ABCA1: variants seen among roughly 807,000 people sequenced by gnomAD.
ABCA1 encodes ATP binding cassette subfamily A member 1.
ABCA1 carries 133 observed loss-of-function variants against 262.5 expected under a neutral mutation model. That is an observed-to-expected ratio of 0.51 (90% CI 0.44 to 0.59). ABCA1 has a LOEUF of 0.59. Ranked by LOEUF, ABCA1 falls within the 20% of genes least tolerant of loss-of-function variation. The pLI is 0.00. For synonymous variants in ABCA1, 1,022 were observed against 1,043.5 expected, an observed-to-expected ratio of 0.98 and a Z score of 0.40; for missense variants, 2,452 against 2,777.5, an observed-to-expected ratio of 0.88 and a Z score of 2.63.
chr9:104,887,476 C>T (rs113347796), intron 3 of ABCA1, among the ~76,000 whole-genome samples: 5 of 152,024 alleles, frequency 3.3e-5, no homozygotes, highest in South Asian at 2.1e-4. Context: ...TGTCTGATGC[C>T]GAAGACATTT....
chr9:104,807,843 T>TACAC lies in ABCA1; in HGVS notation c.4275-1414_4275-1413insGTGT, dbSNP rs1180467652. ...AAAATAAATAAATAAAATATATATA[T>TACAC]ATACACACACACACACACACACACA... is the stretch of plus-strand genomic sequence containing the variant. On this transcript the variant is annotated intron_variant, in intron 30 of 49. Coordinates refer to ENST00000374736, the MANE Select transcript of ABCA1 (RefSeq NM_005502.4). Among the ~76,000 whole-genome samples, 113 of 36,604 alleles carry TACAC rather than the reference T, an allele frequency of 3.1e-3. 1 individual carries two copies. Among genetic ancestry groups the TACAC allele is most frequent in the African/African-American group, 8.1e-3 (107 of 13,250 alleles). 24.0% of individuals were successfully genotyped at this position (36,604 alleles called of 152,430 possible).
At chr9:104,870,302 G>A (rs1167394579) in intron 5 of ABCA1, among the ~76,000 whole-genome samples, 3 of 152,206 alleles carry the variant, frequency 2.0e-5, no homozygotes, top group African/African-American at 7.2e-5. Context: ...TTGAAGGCAG[G>A]AGCTAGCCTA....
chr9:104,806,226 C>A lies in ABCA1; in HGVS notation c.4464+15G>T, dbSNP rs1368964102. 2 of 1,612,244 alleles carry A rather than the reference C, an allele frequency of 1.2e-6. No homozygotes were observed. Among genetic ancestry groups the A allele is most frequent in the Admixed American group, 1.7e-5 (1 of 60,012 alleles). On this transcript the variant is annotated intron_variant, in intron 31 of 49. Coordinates refer to ENST00000374736, the MANE Select transcript of ABCA1 (RefSeq NM_005502.4). ...TGCACCCCTTCTGCCCAATCACCCCCTGAAAGTGACTCACTTGTGGAGGAG... is the reference window on the plus strand; with the variant it reads ...TGCACCCCTTCTGCCCAATCACCCCATGAAAGTGACTCACTTGTGGAGGAG...
At chr9:104,865,940 G>A (rs1217271148) in intron 5 of ABCA1, among the ~76,000 whole-genome samples, 3 of 152,174 alleles carry the variant, frequency 2.0e-5, no homozygotes. Flanking sequence ...CAAGAAGGCA[G>A]AAGGAAGGAT....
chr9:104,872,269 T>C (rs746863212), intron 5 of ABCA1, among the ~76,000 whole-genome samples: 42 of 152,194 alleles, frequency 2.8e-4, no homozygotes, highest in Non-Finnish European at 5.0e-4. Flanking sequence ...AAACAAGTGG[T>C]AAATTTGAAC....
chr9:104,878,513 G>A (rs769899556), intron 5 of ABCA1, among the ~76,000 whole-genome samples: 3 of 152,160 alleles, frequency 2.0e-5, no homozygotes, highest in Non-Finnish European at 2.9e-5. Context: ...GGGTTTAGCC[G>A]TGATTTATTC....
At chr9:104,796,012 G>C in intron 39 of ABCA1, 41 bp downstream of exon 39, 1 of 1,611,798 alleles carries the variant, frequency 6.2e-7, no homozygotes, top group Non-Finnish European at 8.5e-7. Context: ...GGCTCCCAGA[G>C]ATGCTCATCC....
chr9:104,882,986 T>G, intron 5 of ABCA1, 53 bp downstream of exon 5: 1 of 1,449,308 alleles, frequency 6.9e-7, no homozygotes, highest in South Asian at 1.1e-5. Flanking sequence ...TCTCTTTCCC[T>G]GGTGCAGGTC....
intron 7 of ABCA1, chr9:104,855,056 C>T (rs2487037): frequency 0.12 from 83,742 of 677,238 alleles, 5,556 homozygotes; most frequent in East Asian, 0.32. Context: ...ACACAAGGTA[C>T]GGACTGAGAC....
At chr9:104,824,858 GTAAGT>G (rs1285686811) in intron 17 of ABCA1, among the ~76,000 whole-genome samples, 1 of 152,238 alleles carries the variant, frequency 6.6e-6, no homozygotes, top group African/African-American at 2.4e-5. Context: ...CCCTCAGCCA[GTAAGT>G]TAAGACTCAG....
At chr9:104,876,896 G>T (rs889756367) in intron 5 of ABCA1, among the ~76,000 whole-genome samples, 1 of 152,196 alleles carries the variant, frequency 6.6e-6, no homozygotes, top group Non-Finnish European at 1.5e-5. Context: ...AGATGCAGGT[G>T]GGGGCCTGAG....
Position 104,889,140 on chromosome 9 carries a change from G to C in ABCA1, c.122C>G (p.Ser41Cys). 1.2e-6 allele frequency: 2 copies of C among 1,614,188 alleles called. No individual in the cohort carries two copies. Among genetic ancestry groups the C allele is most frequent in the Non-Finnish European group, 1.7e-6 (2 of 1,180,008 alleles). ...ATAGGGTGGGTAGCTCAGCCGAACA[G>C]AGATCAGGATCAGGAAGATAAATAG... ...WPLFIFLILI[S>C]VRLSYPPYEQ... The change falls in exon 3 of 50, where the codon TCT (serine) becomes TGT (cysteine). Residue 41 changes from serine (S) to cysteine (C), a missense_variant. By Grantham distance (112) the Ser-to-Cys change is moderately radical (BLOSUM62 -1). Coordinates refer to ENST00000374736, the MANE Select transcript of ABCA1 (RefSeq NM_005502.4).
intron 11 of ABCA1, 62 bp downstream of exon 11, chr9:104,836,918 G>A (rs759280507): frequency 1.1e-5 from 14 of 1,324,276 alleles, no homozygotes; most frequent in Admixed American, 1.7e-5. Flanking sequence ...CTGGGAAAGT[G>A]ACCAGAAACT....
intron 34 of ABCA1, among the ~76,000 whole-genome samples, chr9:104,801,795 C>T (rs112415258): frequency 5.3e-5 from 8 of 152,184 alleles, no homozygotes; most frequent in African/African-American, 7.2e-5. Flanking sequence ...CCACCCGCTT[C>T]GGCCTCCCAA....
rs1828576153 is a variant in ABCA1, at chr9:104,782,027, C to T, written c.*2288G>A. ...GTTGTGTTTTCTTCAAAATAGTTCA[C>T]AGTGCCTTTTGATTTTTTAAAATAT... On this transcript the variant is annotated 3_prime_UTR_variant, in exon 50 of 50. Transcript: ENST00000374736. 6.6e-6 allele frequency: 1 copy of T among 152,130 alleles called. No homozygotes were observed. Among genetic ancestry groups the T allele is most frequent in the South Asian group, 2.1e-4 (1 of 4,824 alleles). 9.4% of individuals were successfully genotyped at this position (152,130 alleles called of 1,614,324 possible).
intron 49 of ABCA1, 98 bp downstream of exon 49, chr9:104,785,298 A>G: frequency 6.7e-7 from 1 of 1,497,812 alleles, no homozygotes; most frequent in Non-Finnish European, 9.2e-7. Flanking sequence ...TTCAAGCACC[A>G]ATTCAAGATA....
At chr9:104,899,314 C>G (rs1357213575) in intron 2 of ABCA1, among the ~76,000 whole-genome samples, 2 of 152,246 alleles carry the variant, frequency 1.3e-5, no homozygotes, top group African/African-American at 4.8e-5. Flanking sequence ...GAGTTTCCAT[C>G]TACTCTGTAA....
In ABCA1 at chr9:104,889,138, C is replaced by A; in HGVS notation, c.124G>T (p.Val42Phe). 3.7e-6 allele frequency: 6 copies of A among 1,614,044 alleles called. No individual in the cohort carries two copies. The highest frequency in any genetic ancestry group is 5.1e-6 in the Non-Finnish European group (6 of 1,179,946). The change falls in exon 3 of 50, where the codon GTT becomes TTT. Residue 42 changes from valine to phenylalanine, a missense_variant. Around this residue, in one of 4 missense-constraint regions of ABCA1, gnomAD observed 1,032 missense variants for 1,089.7 expected, o/e 0.95. Coordinates refer to ENST00000374736, the MANE Select transcript of ABCA1 (RefSeq NM_005502.4). The stretch of plus-strand genomic sequence containing the variant: ...TCATAGGGTGGGTAGCTCAGCCGAA[C>A]AGAGATCAGGATCAGGAAGATAAAT... ...PLFIFLILIS[V>F]RLSYPPYEQH...
At chr9:104,791,833 C>G in intron 43 of ABCA1, 103 bp downstream of exon 43, 2 of 1,129,488 alleles carry the variant, frequency 1.8e-6, no homozygotes, top group Admixed American at 2.0e-5. Flanking sequence ...AATACAGAAG[C>G]CTTTAAAATC....
Sources: gnomAD v4.1 joint callset for allele counts (sites outside exome capture counted in the v4.1 genomes callset) on GRCh38, gnomAD v4.1.1 for gene constraint, gnomAD v4.1.1 regional missense constraint, MANE v1.5 for transcripts, NCBI Gene and HGNC (gene_info 2026-07-23, HGNC 2026-07-21) for gene names.